KIAA1217: variants seen among roughly 807,000 people sequenced by gnomAD.
The protein encoded by KIAA1217 is KIAA1217.
In KIAA1217, 88 loss-of-function variants were observed where a neutral mutation model predicts 163.9. That is an observed-to-expected ratio of 0.54 (90% CI 0.45 to 0.64). The LOEUF (loss-of-function observed/expected upper bound fraction) is 0.64. KIAA1217 is among the 30% of genes least tolerant of loss of function. The probability of loss-of-function intolerance (pLI) is 0.00; values close to 1 mark genes in which losing one functional copy is unlikely to be tolerated. For synonymous variants in KIAA1217, 903 were observed against 923.1 expected (o/e 0.98, Z 0.39); for missense variants, 2,372 against 2,475.0 (o/e 0.96, Z 0.88).
intron 3 of KIAA1217, among the ~76,000 whole-genome samples, chr10:24,411,984 T>C (rs1277308275): frequency 6.6e-6 from 1 of 152,034 alleles, no homozygotes; most frequent in African/African-American, 2.4e-5. Flanking sequence ...AAAACATGCC[T>C]TATAAAACTA....
chr10:24,085,299 G>GA (rs1164045244), intron 2 of KIAA1217, among the ~76,000 whole-genome samples: 2 of 144,104 alleles, frequency 1.4e-5, no homozygotes, highest in African/African-American at 5.9e-5. Flanking sequence ...GATAACATTT[G>GA]AGGGGTTTAA....
chr10:23,766,977 G>C (rs1405108437), intron 1 of KIAA1217, among the ~76,000 whole-genome samples: 2 of 152,148 alleles, frequency 1.3e-5, no homozygotes, highest in African/African-American at 4.8e-5. Flanking sequence ...CTAAATAAAA[G>C]GGATTCAGAG....
intron 2 of KIAA1217, among the ~76,000 whole-genome samples, chr10:24,062,585 G>A (rs2060771770): frequency 6.6e-6 from 1 of 151,148 alleles, no homozygotes; most frequent in Non-Finnish European, 1.5e-5. Flanking sequence ...TGTGAATAGT[G>A]CCGTAATAAA....
At chr10:24,389,633 C>T (rs2054565751) in intron 3 of KIAA1217, among the ~76,000 whole-genome samples, 1 of 151,986 alleles carries the variant, frequency 6.6e-6, no homozygotes. Context: ...TCAGAACCAG[C>T]GCCCTGGCCT....
chr10:24,154,573 G>A (rs1207730549), intron 2 of KIAA1217, among the ~76,000 whole-genome samples: 2 of 152,116 alleles, frequency 1.3e-5, no homozygotes, highest in Non-Finnish European at 2.9e-5. Context: ...AATTCATAGA[G>A]ATAGAAAGTA....
rs569309207 is a variant in KIAA1217, at chr10:24,029,895, A to C, written c.-171+22521A>C. 6.6e-5 allele frequency among the ~76,000 whole-genome samples: 10 copies of C among 152,268 alleles called. No homozygotes were observed. In the East Asian group the frequency reaches 1.9e-3, roughly 30 times the overall value. ...TGTGGCTGTGTGACAATGCAAGGGA[A>C]CATGGTGGATCTGCTGGGCAGCCAT... On this transcript the variant is annotated intron_variant, in intron 2 of 18. Transcript: ENST00000376462.
chr10:23,905,063 CTT>C (rs562938938), intron 1 of KIAA1217, among the ~76,000 whole-genome samples: 3,454 of 99,930 alleles, frequency 0.035, 158 homozygotes, highest in African/African-American at 0.12. Flanking sequence ...TTCTCTTTTC[CTT>C]TTTTTTTTTT....
At chr10:24,140,773 G>A (rs1003909109) in intron 2 of KIAA1217, among the ~76,000 whole-genome samples, 14 of 152,270 alleles carry the variant, frequency 9.2e-5, no homozygotes, top group African/African-American at 2.4e-4. Context: ...TCTAAAGGCC[G>A]TGCTTGACAT....
rs1401011277 is a variant in KIAA1217 at position 24,521,899 on chromosome 10, G to A, written c.2426G>A (p.Ser809Asn). The change falls in exon 12 of 21, where the codon AGC becomes AAC. Residue 809 changes from serine (S) to asparagine (N), a missense_variant. Ser to Asn is a conservative substitution (Grantham distance 46). This residue lies in a region of KIAA1217 where 1,431 missense variants were observed against 1,470.3 expected (regional missense o/e 0.97). Transcript: ENST00000376454. ...KLDSLLKRVR[S>N]MTDVLTMLRR... The stretch of plus-strand genomic sequence containing the variant: ...GACAGTCTCCTGAAGCGTGTGCGCA[G>A]CATGACAGACGTCCTGACCATGCTG... 1.2e-6 allele frequency: 2 copies of A among 1,613,084 alleles called. No homozygotes were observed. Among genetic ancestry groups the A allele is most frequent in the Non-Finnish European group, 1.7e-6 (2 of 1,179,956 alleles).
intron 9 of KIAA1217, among the ~76,000 whole-genome samples, chr10:24,509,330 C>G (rs927871612): frequency 6.6e-6 from 1 of 152,152 alleles, no homozygotes; most frequent in Admixed American, 6.5e-5. Flanking sequence ...ATGATTCACT[C>G]CTCATTGCCC....
At chr10:24,241,460 A>T (rs558117708) in intron 2 of KIAA1217, among the ~76,000 whole-genome samples, 2 of 152,222 alleles carry the variant, frequency 1.3e-5, no homozygotes, top group East Asian at 3.9e-4. Context: ...GTACCTACTG[A>T]TAGGAGCTCC....
chr10:24,354,636 A>G (rs1314053568), intron 2 of KIAA1217, among the ~76,000 whole-genome samples: 1 of 152,166 alleles, frequency 6.6e-6, no homozygotes. Flanking sequence ...TGGAGTGGGA[A>G]GATGATCTTC....
At chr10:24,397,881 C>T (rs1298664220) in intron 3 of KIAA1217, among the ~76,000 whole-genome samples, 1 of 152,174 alleles carries the variant, frequency 6.6e-6, no homozygotes, top group African/African-American at 2.4e-5. Context: ...ACTGAGTGTA[C>T]CCGGAAGCAG....
At chr10:24,441,615 A>G (rs1254219426) in intron 5 of KIAA1217, among the ~76,000 whole-genome samples, 1 of 152,048 alleles carries the variant, frequency 6.6e-6, no homozygotes, top group Non-Finnish European at 1.5e-5. Flanking sequence ...TAGTCTGTCT[A>G]AGGAGACTTG....
chr10:23,701,038 T>G (rs1055737387), intron 1 of KIAA1217, among the ~76,000 whole-genome samples: 2 of 152,224 alleles, frequency 1.3e-5, no homozygotes, highest in Non-Finnish European at 2.9e-5. Flanking sequence ...AGTACCTATA[T>G]CATAGAGTCT....
chr10:23,871,623 TC>T (rs1407686472), intron 1 of KIAA1217, among the ~76,000 whole-genome samples: 1 of 151,802 alleles, frequency 6.6e-6, no homozygotes, highest in African/African-American at 2.4e-5. Flanking sequence ...TACCCAAACA[TC>T]TCCCCCTTCT....
chr10:23,778,989 G>T (rs1478626878), intron 1 of KIAA1217, among the ~76,000 whole-genome samples: 1 of 152,100 alleles, frequency 6.6e-6, no homozygotes, highest in Non-Finnish European at 1.5e-5. Flanking sequence ...TGATAAGCTT[G>T]GATCTCAGCT....
chr10:24,065,168 T>G (rs2060889177), intron 2 of KIAA1217, among the ~76,000 whole-genome samples: 1 of 152,210 alleles, frequency 6.6e-6, no homozygotes, highest in Non-Finnish European at 1.5e-5. Context: ...TCTTAGTTAT[T>G]TCTTGCCTTC....
chr10:23,814,268 T>C (rs1392995162), intron 1 of KIAA1217, among the ~76,000 whole-genome samples: 1 of 152,198 alleles, frequency 6.6e-6, no homozygotes, highest in Non-Finnish European at 1.5e-5. Flanking sequence ...TCTGCTCCTA[T>C]ATCTGGGTAA....
Sources: allele counts gnomAD v4.1 joint callset (sites outside exome capture counted in the v4.1 genomes callset), GRCh38; gene constraint gnomAD v4.1.1; regional missense constraint gnomAD v4.1.1; transcripts MANE v1.5; gene names NCBI Gene and HGNC (gene_info 2026-07-23, HGNC 2026-07-21).